Variants in ROBO2 observed in about 807,000 individuals in gnomAD.
ROBO2 encodes roundabout homolog 2.
A neutral mutation model predicts 160.8 loss-of-function variants in ROBO2; 53 were observed. That is an observed-to-expected ratio of 0.33 (90% confidence interval 0.26 to 0.41). The LOEUF (loss-of-function observed/expected upper bound fraction) is 0.41, where lower values mean the gene tolerates loss of function less well. Ranked by LOEUF, ROBO2 falls within the 10% of genes least tolerant of loss-of-function variation. The pLI is 1.00. For synonymous variants in ROBO2, 664 were observed against 611.7 expected, an observed-to-expected ratio of 1.09 and a Z score of -1.26; for missense variants, 1,577 against 1,722.4, an observed-to-expected ratio of 0.92 and a Z score of 1.49.
At chr3:76,033,780 G>T (rs1411251994) in intron 2 of ROBO2, among the ~76,000 whole-genome samples, 1 of 152,118 alleles carries the variant, frequency 6.6e-6, no homozygotes, top group Non-Finnish European at 1.5e-5. Context: ...CACACGTGTG[G>T]CATGGGTACT....
rs988781703 is a variant in ROBO2 at position 75,922,377 on chromosome 3, A to T, written c.-13-15104A>T. On this transcript the variant is annotated intron_variant, in intron 1 of 26. Coordinates refer to the ROBO2 transcript ENST00000487694. ...CCTAACCAATAACAGAAAATTTTTT[A>T]AAAAATATTTATGGATTGGAATTTG... 7.9e-5 allele frequency among the ~76,000 whole-genome samples: 12 copies of T among 152,292 alleles called. No homozygotes were observed. The East Asian group carries it at 1.2e-3, about 15-fold the overall frequency.
At chr3:77,580,241 T>C in intron 16 of ROBO2, 123 bp downstream of exon 17, 1 of 914,918 alleles carries the variant, frequency 1.1e-6, no homozygotes. Flanking sequence ...ACATATCATA[T>C]TGACAAATGG....
intron 2 of ROBO2, among the ~76,000 whole-genome samples, chr3:76,187,874 C>A (rs1701836737): frequency 6.6e-6 from 1 of 152,076 alleles, no homozygotes; most frequent in Admixed American, 6.6e-5. Context: ...TAAAACCTAT[C>A]AAAAGAACCC....
At chr3:77,617,822 AT>A (rs776574673) in intron 22 of ROBO2, 49 bp downstream of exon 23, 26 of 1,599,924 alleles carry the variant, frequency 1.6e-5, no homozygotes, top group East Asian at 2.2e-5. Flanking sequence ...ACACATGGAA[AT>A]TTTTTTCAGA....
chr3:76,219,411 T>C (rs1703800769), intron 2 of ROBO2, among the ~76,000 whole-genome samples: 1 of 152,080 alleles, frequency 6.6e-6, no homozygotes, highest in African/African-American at 2.4e-5. Context: ...GGAGAAAATT[T>C]TTGCAAACTA....
chr3:76,315,524 A>G (rs772442050), intron 2 of ROBO2, among the ~76,000 whole-genome samples: 2 of 152,176 alleles, frequency 1.3e-5, no homozygotes, highest in Admixed American at 1.3e-4. Context: ...TTTCAATTTT[A>G]ATCTCTTATC....
chr3:76,489,146 T>A (rs967507485), intron 2 of ROBO2, among the ~76,000 whole-genome samples: 2 of 127,888 alleles, frequency 1.6e-5, no homozygotes, highest in Non-Finnish European at 3.1e-5. Context: ...TACTGACTTC[T>A]TTTTTTTGTT....
At chr3:76,968,755 A>G (rs1370219572) in intron 2 of ROBO2, among the ~76,000 whole-genome samples, 2 of 152,218 alleles carry the variant, frequency 1.3e-5, no homozygotes, top group African/African-American at 4.8e-5. Flanking sequence ...CATAAATATT[A>G]TAATCTCATC....
chr3:76,879,647 A>G (rs2073143779), intron 2 of ROBO2, among the ~76,000 whole-genome samples: 1 of 152,142 alleles, frequency 6.6e-6, no homozygotes, highest in Non-Finnish European at 1.5e-5. Flanking sequence ...GGGATACAGT[A>G]ATAGAACAAA....
chr3:77,359,352 G>A (rs988251532), intron 2 of ROBO2, among the ~76,000 whole-genome samples: 2 of 152,136 alleles, frequency 1.3e-5, no homozygotes, highest in African/African-American at 2.4e-5. Context: ...TCAAAAGAGA[G>A]AGATTATTTC....
intron 2 of ROBO2, among the ~76,000 whole-genome samples, chr3:75,978,744 T>A (rs187013806): frequency 4.3e-4 from 65 of 151,664 alleles, no homozygotes; most frequent in Admixed American, 2.1e-3. Context: ...AGTGAATAAC[T>A]TTACAGAATA....
intron 2 of ROBO2, among the ~76,000 whole-genome samples, chr3:76,873,287 T>C (rs373499715): frequency 5.4e-4 from 82 of 152,282 alleles, no homozygotes; most frequent in African/African-American, 1.9e-3. Flanking sequence ...AAAAGGGGTG[T>C]ATTTAAAGAC....
intron 5 of ROBO2, among the ~76,000 whole-genome samples, chr3:77,521,346 G>A (rs2090576453): frequency 6.6e-6 from 1 of 151,140 alleles, no homozygotes; most frequent in African/African-American, 2.4e-5. Flanking sequence ...TTGGGAGTGT[G>A]GATATTGCAG....
intron 2 of ROBO2, among the ~76,000 whole-genome samples, chr3:76,517,586 G>A (rs958588287): frequency 1.3e-5 from 2 of 152,142 alleles, no homozygotes; most frequent in African/African-American, 4.8e-5. Context: ...AATGTAAAAC[G>A]ATGTTTATCA....
intron 2 of ROBO2, among the ~76,000 whole-genome samples, chr3:76,149,849 C>T (rs1015748783): frequency 9.4e-6 from 1 of 106,150 alleles, no homozygotes; most frequent in African/African-American, 3.5e-5. Context: ...CTGTCTAAAG[C>T]ACACATCATA....
At chr3:77,480,925 T>C (rs774129309) in intron 3 of ROBO2, among the ~76,000 whole-genome samples, 174 bp from the exon 4 acceptor site, 1 of 152,158 alleles carries the variant, frequency 6.6e-6, no homozygotes, top group Non-Finnish European at 1.5e-5. Context: ...GAAACTTACA[T>C]TGAGGGTGAA....
intron 2 of ROBO2, among the ~76,000 whole-genome samples, chr3:76,297,519 C>T (rs1479564830): frequency 2.6e-5 from 4 of 151,994 alleles, no homozygotes. Flanking sequence ...TAAAACCATA[C>T]CCATGTTTCA....
chr3:76,959,276 C>T (rs554944989), intron 2 of ROBO2, among the ~76,000 whole-genome samples: 72 of 152,254 alleles, frequency 4.7e-4, no homozygotes, highest in African/African-American at 1.6e-3. Context: ...AGGTTCAAAT[C>T]GCCCTTTGTG....
exon 7 of ROBO2, chr3:77,546,459 C>T (rs778733106): frequency 1.2e-6 from 2 of 1,612,998 alleles, no homozygotes; most frequent in Non-Finnish European, 1.7e-6. Flanking sequence ...AAGAAGGCAG[C>T]CAGGTGAGTG....
Sources: gnomAD v4.1 joint callset for allele counts (sites outside exome capture counted in the v4.1 genomes callset) on GRCh38, gnomAD v4.1.1 for gene constraint, MANE v1.5 for transcripts, NCBI Gene and HGNC (gene_info 2026-07-23, HGNC 2026-07-21) for gene names.